The following PLPPR5 variants were observed in gnomAD, a reference collection of about 807,000 sequenced individuals.
PLPPR5 encodes the protein phospholipid phosphatase-related protein type 5.
Under a neutral mutation model 33.9 loss-of-function variants are expected in PLPPR5, and 16 were observed. The observed-to-expected ratio is 0.47, with a 90% CI of 0.32 to 0.72. The LOEUF (loss-of-function observed/expected upper bound fraction) is 0.72. PLPPR5 is among the 30% of genes least tolerant of loss of function. The pLI is 0.03. For synonymous variants in PLPPR5, 163 were observed against 150.3 expected (o/e 1.08, Z -0.62); for missense variants, 301 against 406.7 (o/e 0.74, Z 2.23).
chr1:98,983,334 G>C (rs1351871087), intron 1 of PLPPR5, among the ~76,000 whole-genome samples: 1 of 130,582 alleles, frequency 7.7e-6, no homozygotes, highest in African/African-American at 2.9e-5. Flanking sequence ...GAGAATATGC[G>C]GTGTTTGGTT....
chr1:98,991,743 A>G (rs1652457680), intron 1 of PLPPR5, among the ~76,000 whole-genome samples: 1 of 152,224 alleles, frequency 6.6e-6, no homozygotes, highest in Non-Finnish European at 1.5e-5. Flanking sequence ...GAGCATCCCA[A>G]TAGTCAGACT....
At chr1:98,914,952 C>A in intron 4 of PLPPR5, 32 bp from the exon 5 acceptor site, 4 of 1,596,384 alleles carry the variant, frequency 2.5e-6, no homozygotes, top group Admixed American at 1.7e-5. Context: ...ACAGTTAAAG[C>A]AAACTGTGCT....
intron 3 of PLPPR5, 140 bp downstream of exon 3, chr1:98,952,930 T>C (rs918415837): frequency 8.7e-6 from 9 of 1,033,046 alleles, no homozygotes; most frequent in Admixed American, 2.8e-5. Context: ...ACAGCTATTA[T>C]TAAAAATAGA....
chr1:98,983,701 C>A (rs545094671), intron 1 of PLPPR5, among the ~76,000 whole-genome samples: 2 of 151,402 alleles, frequency 1.3e-5, no homozygotes, highest in Admixed American at 1.3e-4. Context: ...TACAGTCCCA[C>A]CAACAGTGTA....
At chr1:98,919,027 C>A (rs1284183915) in intron 4 of PLPPR5, among the ~76,000 whole-genome samples, 1 of 152,072 alleles carries the variant, frequency 6.6e-6, no homozygotes, top group African/African-American at 2.4e-5. Context: ...TGGTATACTG[C>A]ACAGTAATTT....
At chr1:98,950,402 T>A (rs1312619782) in intron 3 of PLPPR5, among the ~76,000 whole-genome samples, 1 of 152,184 alleles carries the variant, frequency 6.6e-6, no homozygotes, top group African/African-American at 2.4e-5. Context: ...TTGTTATAAT[T>A]ATTATCATTA....
chr1:98,906,897 A>G (rs1648920373), intron 5 of PLPPR5, among the ~76,000 whole-genome samples: 1 of 152,120 alleles, frequency 6.6e-6, no homozygotes, highest in Non-Finnish European at 1.5e-5. Flanking sequence ...ACAATGATTC[A>G]TATGTTAGGT....
intron 1 of PLPPR5, among the ~76,000 whole-genome samples, chr1:98,974,130 G>A (rs373209237): frequency 3.7e-4 from 56 of 151,944 alleles, no homozygotes; most frequent in African/African-American, 1.3e-3. Context: ...TTACACTTGG[G>A]GAGTGGGCAA....
In PLPPR5 at chr1:98,993,720, T is replaced by C. The variant is rs185342071; in HGVS notation, c.237+10715A>G. Among the ~76,000 whole-genome samples, 39 of 152,204 alleles carry C rather than the reference T, an allele frequency of 2.6e-4. No individual in the cohort carries two copies. In the East Asian group the frequency reaches 6.6e-3, roughly 26 times the overall value. ...GTGAGAACATAGTGTTCTGCTTTGA[T>C]GAGATATCTGGAAATACAAGATGTT... On this transcript the variant is annotated intron_variant, in intron 1 of 5. Transcript: ENST00000263177.
rs1421025647 is a variant in PLPPR5 at position 98,903,623 on chromosome 1, T to A, written c.934-10519A>T. 3.3e-5 allele frequency among the ~76,000 whole-genome samples: 5 copies of A among 151,998 alleles called. 1 individual carries two copies. Among genetic ancestry groups the A allele is most frequent in the Admixed American group, 2.0e-4 (3 of 15,230 alleles). ...TCCATGAAGTCTTTGTATGGGAGTA[T>A]CCTAGTGTGAAATTAAAAAAAAAAA... On this transcript the variant is annotated intron_variant, in intron 5 of 5. Transcript: ENST00000263177.
chr1:99,000,348 T>TA (rs1057023726), intron 1 of PLPPR5, among the ~76,000 whole-genome samples: 1 of 152,130 alleles, frequency 6.6e-6, no homozygotes, highest in African/African-American at 2.4e-5. Flanking sequence ...CACTGCTACC[T>TA]AAAAAAATGT....
rs531758603 is a variant in PLPPR5 at position 98,926,744 on chromosome 1, A to G, written c.622-4686T>C. 5.3e-5 allele frequency among the ~76,000 whole-genome samples: 8 copies of G among 152,200 alleles called. No individual in the cohort carries two copies. The South Asian group carries it at 1.7e-3, about 31-fold the overall frequency. On this transcript the variant is annotated intron_variant, in intron 3 of 5. Transcript: ENST00000263177. ...TCTCCCAGATTCTAGTTAGCTACAC[A>G]CAGATCACTAATAACAAGACAGCAT... is the stretch of plus-strand genomic sequence containing the variant.
In PLPPR5 at chr1:98,947,015, T is replaced by G. The variant is rs549727507; in HGVS notation, c.621+6055A>C. 3.8e-4 allele frequency among the ~76,000 whole-genome samples: 58 copies of G among 152,276 alleles called. No individual in the cohort carries two copies. The South Asian group carries it at 0.012, about 31-fold the overall frequency. On this transcript the variant is annotated intron_variant, in intron 3 of 5. Transcript: ENST00000263177. ...GTCCATGGAAGTCATAATACAGCCC[T>G]ATCTTATAATGTCCTAGAATAGAAA...
chr1:98,927,873 T>C (rs563363072), intron 3 of PLPPR5, among the ~76,000 whole-genome samples: 3 of 152,076 alleles, frequency 2.0e-5, no homozygotes, highest in African/African-American at 7.2e-5. Context: ...ATTTGTGTTT[T>C]CTCTATAAAA....
intron 1 of PLPPR5, among the ~76,000 whole-genome samples, chr1:98,988,629 T>C (rs932556829): frequency 6.6e-6 from 1 of 152,106 alleles, no homozygotes; most frequent in African/African-American, 2.4e-5. Flanking sequence ...GTGTGGGCCA[T>C]ACTGAGAGCT....
At chr1:98,914,676 T>A in intron 5 of PLPPR5, 110 bp downstream of exon 5, 4 of 961,136 alleles carry the variant, frequency 4.2e-6, no homozygotes, top group Middle Eastern at 2.9e-4. Context: ...AATATCACAT[T>A]ACACTAAGTA....
At chr1:98,952,156 G>A (rs965448508) in intron 3 of PLPPR5, among the ~76,000 whole-genome samples, 23 of 151,834 alleles carry the variant, frequency 1.5e-4, no homozygotes, top group African/African-American at 2.7e-4. Context: ...CCAGCTACTC[G>A]GAAGGCTGAG....
At chr1:98,972,036 G>C (rs763383088) in intron 1 of PLPPR5, among the ~76,000 whole-genome samples, 19 of 151,982 alleles carry the variant, frequency 1.3e-4, no homozygotes, top group Non-Finnish European at 2.6e-4. Flanking sequence ...TGCCACCTCT[G>C]ACTTAACTAT....
intron 1 of PLPPR5, among the ~76,000 whole-genome samples, chr1:98,997,033 G>C (rs1392911593): frequency 2.0e-5 from 3 of 152,068 alleles, no homozygotes; most frequent in African/African-American, 7.2e-5. Context: ...TCCTACATAT[G>C]CTATCTGAAA....
Sources: gnomAD v4.1 joint callset for allele counts (sites outside exome capture counted in the v4.1 genomes callset) on GRCh38, gnomAD v4.1.1 for gene constraint, MANE v1.5 for transcripts, NCBI Gene and HGNC (gene_info 2026-07-23, HGNC 2026-07-21) for gene names.